The following NXPE1 variants were observed in gnomAD, a reference collection of about 807,000 sequenced individuals.
The protein encoded by NXPE1 is NXPE family member 1.
In NXPE1, 31 loss-of-function variants were observed where a neutral mutation model predicts 33.3. That is an observed-to-expected ratio of 0.93 (90% CI 0.70 to 1.26). The LOEUF is 1.26. Among genes scored for constraint, NXPE1 ranks in the 50% most tolerant of loss-of-function variants. The probability of loss-of-function intolerance (pLI) is 0.00; values close to 1 mark genes in which losing one functional copy is unlikely to be tolerated. For missense variants in NXPE1, 661 were observed against 655.6 expected, an observed-to-expected ratio of 1.01 and a Z score of -0.09; for synonymous variants, 229 against 231.4, an observed-to-expected ratio of 0.99 and a Z score of 0.09.
intron 1 of NXPE1, chr11:114,554,181 T>G: frequency 1.0e-6 from 1 of 985,166 alleles, no homozygotes; most frequent in Non-Finnish European, 1.2e-6. Context: ...GTCTCTTTCA[T>G]CAGCTGTAAT....
chr11:114,520,630 C>T (rs181693530), downstream of NXPE1, among the ~76,000 whole-genome samples: 39 of 152,264 alleles, frequency 2.6e-4, no homozygotes, highest in Admixed American at 2.5e-3. Context: ...GGATACTCAG[C>T]AGAGGGATTG....
intron 5 of NXPE1, among the ~76,000 whole-genome samples, chr11:114,532,134 C>A (rs962432452): frequency 2.0e-5 from 3 of 152,264 alleles, no homozygotes; most frequent in East Asian, 3.9e-4. Flanking sequence ...CTGCACTGCA[C>A]CCCAGCATTG....
chr11:114,532,573 A>G (rs1947623607), intron 5 of NXPE1, among the ~76,000 whole-genome samples: 2 of 152,276 alleles, frequency 1.3e-5, no homozygotes, highest in East Asian at 1.9e-4. Flanking sequence ...CCTAACTTAT[A>G]TAACAAGGAA....
At chr11:114,543,992 A>G (rs1948189974) in intron 5 of NXPE1, among the ~76,000 whole-genome samples, 1 of 152,208 alleles carries the variant, frequency 6.6e-6, no homozygotes, top group Non-Finnish European at 1.5e-5. Context: ...CAATAGCACC[A>G]AAAAAGTGAA....
exon 9 of NXPE1, chr11:114,522,165 T>G (rs1043884304): frequency 1.9e-6 from 3 of 1,614,044 alleles, no homozygotes; most frequent in Non-Finnish European, 2.5e-6. Flanking sequence ...TCTATGTGCA[T>G]CTCCCTGATG....
intron 6 of NXPE1, 37 bp downstream of exon 6, chr11:114,530,138 G>C (rs971850981): frequency 6.5e-7 from 1 of 1,548,170 alleles, no homozygotes; most frequent in East Asian, 2.2e-5. Context: ...GCACTTCTCA[G>C]GGGACACTTC....
chr11:114,556,681 T>C (rs1948655308), intron 1 of NXPE1, among the ~76,000 whole-genome samples: 1 of 152,082 alleles, frequency 6.6e-6, no homozygotes, highest in Non-Finnish European at 1.5e-5. Flanking sequence ...AGTGCTTTCA[T>C]ATCATTTTTT....
At chr11:114,530,154 A>G in intron 6 of NXPE1, 21 bp downstream of exon 6, 3 of 1,570,490 alleles carry the variant, frequency 1.9e-6, no homozygotes, top group Non-Finnish European at 2.6e-6. Context: ...ACTTCTCAGT[A>G]TACATGAAAA....
chr11:114,533,393 A>G (rs978689696), intron 5 of NXPE1, among the ~76,000 whole-genome samples: 1 of 152,166 alleles, frequency 6.6e-6, no homozygotes, highest in Non-Finnish European at 1.5e-5. Context: ...TGAATTTCCA[A>G]CTGAGGTACT....
At chr11:114,533,020 G>A (rs1451566941) in intron 5 of NXPE1, among the ~76,000 whole-genome samples, 1 of 152,104 alleles carries the variant, frequency 6.6e-6, no homozygotes, top group African/African-American at 2.4e-5. Context: ...TAAAAGTCAA[G>A]GAGGCAAGGA....
chr11:114,545,927 G>A (rs896331095), intron 5 of NXPE1, among the ~76,000 whole-genome samples: 3 of 151,954 alleles, frequency 2.0e-5, no homozygotes, highest in African/African-American at 4.8e-5. Context: ...TTGACTTTGC[G>A]ATCCACCCAC....
chr11:114,537,274 C>T (rs1375197144), intron 5 of NXPE1, among the ~76,000 whole-genome samples: 3 of 152,144 alleles, frequency 2.0e-5, no homozygotes, highest in African/African-American at 7.2e-5. Context: ...ATTGATGGGA[C>T]ATATCTCAAA....
At chr11:114,528,201 T>C (rs976201013) in intron 6 of NXPE1, among the ~76,000 whole-genome samples, 2 of 152,216 alleles carry the variant, frequency 1.3e-5, no homozygotes, top group Admixed American at 6.5e-5. Context: ...TCTCTCTTTC[T>C]GCTTCCACAT....
At chr11:114,530,257 G>C (rs752983703) in exon 6 of NXPE1, 3 of 1,613,700 alleles carry the variant, frequency 1.9e-6, no homozygotes, top group East Asian at 2.2e-5. Flanking sequence ...GCCTCACAGG[G>C]CATGTGTTGA....
intron 7 of NXPE1, among the ~76,000 whole-genome samples, chr11:114,524,419 G>A (rs1386260239): frequency 6.6e-6 from 1 of 152,194 alleles, no homozygotes; most frequent in Non-Finnish European, 1.5e-5. Flanking sequence ...TTACATGGTT[G>A]TATTGTATTT....
At chr11:114,521,876 T>C in exon 9 of NXPE1, 2 of 983,014 alleles carry the variant, frequency 2.0e-6, no homozygotes, top group Non-Finnish European at 3.1e-6. Flanking sequence ...TTTATTTTCC[T>C]TAGTTCCTAA....
intron 5 of NXPE1, among the ~76,000 whole-genome samples, chr11:114,544,632 A>G (rs1948212431): frequency 6.6e-6 from 1 of 152,162 alleles, no homozygotes; most frequent in African/African-American, 2.4e-5. Context: ...GGAAGAAAAC[A>G]CACATGAAAA....
At chr11:114,547,526 G>C (rs1948323472) in intron 5 of NXPE1, among the ~76,000 whole-genome samples, 1 of 152,190 alleles carries the variant, frequency 6.6e-6, no homozygotes, top group Admixed American at 6.5e-5. Flanking sequence ...CTTGAGGTTA[G>C]GAGTTTGAGA....
At chr11:114,520,023 C>T (rs539529601), downstream of NXPE1, among the ~76,000 whole-genome samples, 1 of 147,420 alleles carries the variant, frequency 6.8e-6, no homozygotes, top group East Asian at 1.9e-4. Context: ...ACTGTGGTCT[C>T]GATCTCCTGA....
Sources: gnomAD v4.1 joint callset for allele counts (sites outside exome capture counted in the v4.1 genomes callset) on GRCh38, gnomAD v4.1.1 for gene constraint, MANE v1.5 for transcripts, NCBI Gene and HGNC (gene_info 2026-07-23, HGNC 2026-07-21) for gene names.